Variants in NKAIN3 observed in about 807,000 individuals in gnomAD.
NKAIN3 encodes sodium/potassium-transporting ATPase subunit beta-1-interacting protein 3.
NKAIN3 carries 25 observed loss-of-function variants against 30.2 expected under a neutral mutation model. The observed-to-expected ratio is 0.83, with a 90% CI of 0.60 to 1.16. The LOEUF (loss-of-function observed/expected upper bound fraction) is 1.16. Ranked by LOEUF, NKAIN3 falls within the 50% of genes most tolerant of loss-of-function variation. The pLI is 0.00. For synonymous variants in NKAIN3, 91 were observed against 89.6 expected (o/e 1.02, Z -0.09); for missense variants, 225 against 254.1 (o/e 0.89, Z 0.78).
intron 1 of NKAIN3, among the ~76,000 whole-genome samples, chr8:62,296,398 G>A (rs1240687242): frequency 6.6e-6 from 1 of 152,148 alleles, no homozygotes; most frequent in African/African-American, 2.4e-5. Flanking sequence ...CCACTAATTT[G>A]TGTGGGAGTT....
chr8:62,780,513 T>G (rs1817324774), intron 4 of NKAIN3, among the ~76,000 whole-genome samples: 1 of 152,108 alleles, frequency 6.6e-6, no homozygotes, highest in Non-Finnish European at 1.5e-5. Flanking sequence ...ATATCACTGA[T>G]GAACATAGAT....
chr8:62,672,279 G>A (rs1171768807), intron 3 of NKAIN3, among the ~76,000 whole-genome samples: 6 of 152,114 alleles, frequency 3.9e-5, no homozygotes, highest in Non-Finnish European at 7.4e-5. Flanking sequence ...GTCATATAAT[G>A]GCCAGGGAAA....
intron 4 of NKAIN3, among the ~76,000 whole-genome samples, chr8:62,819,304 A>G (rs1355095974): frequency 6.6e-6 from 1 of 151,838 alleles, no homozygotes; most frequent in Non-Finnish European, 1.5e-5. Context: ...AGAAAACAAC[A>G]TTGTGGAAGA....
chr8:62,949,783 A>G (rs1823232994), intron 5 of NKAIN3, among the ~76,000 whole-genome samples: 1 of 151,884 alleles, frequency 6.6e-6, no homozygotes, highest in Non-Finnish European at 1.5e-5. Context: ...AGTACATGGA[A>G]CTCAATTTCA....
rs570521065 is a variant in NKAIN3, at chr8:62,805,382, C to T, written c.471+58253C>T. Among the ~76,000 whole-genome samples the T allele has an allele frequency of 1.3e-3, 194 of 151,872 alleles. 1 individual carries two copies. In the South Asian group the frequency reaches 0.015, roughly 12 times the overall value. ...CAAAAGAACAAAGCTGGAGGCATCA[C>T]ACTACCTGACTTCAAACTATACTAC... On this transcript the variant is annotated intron_variant, in intron 4 of 6. Coordinates refer to ENST00000623646, the MANE Select transcript of NKAIN3 (RefSeq NM_001304533.3).
intron 5 of NKAIN3, among the ~76,000 whole-genome samples, chr8:62,940,597 A>T (rs1408186802): frequency 2.0e-5 from 3 of 152,124 alleles, no homozygotes; most frequent in African/African-American, 7.2e-5. Flanking sequence ...ATAAAACTGG[A>T]TATCAATTGC....
In NKAIN3 at chr8:62,941,769, C is replaced by T. The variant is rs1479376286; in HGVS notation, c.533-12133C>T. Reference sequence around the variant, plus strand: ...GCATAGAAGAGACATACCTTAAGGTCATAAAAGCCATCTATGACAAACCCA... The same window carrying T: ...GCATAGAAGAGACATACCTTAAGGTTATAAAAGCCATCTATGACAAACCCA... On this transcript the variant is annotated intron_variant, in intron 5 of 6. Transcript: ENST00000623646. 2.0e-5 allele frequency among the ~76,000 whole-genome samples: 3 copies of T among 151,998 alleles called. No homozygotes were observed. The East Asian group carries it at 5.8e-4, about 29-fold the overall frequency.
Position 62,682,485 on chromosome 8 carries a change from G to T in NKAIN3, c.274-64447G>T, listed in dbSNP as rs951008929. On this transcript the variant is annotated intron_variant, in intron 3 of 6. Transcript: ENST00000623646. ...TTGCACAGTTTCTTGGACAGAACGTGGGGGAGGGGTTGAATACAAAGTGCA... is the reference window on the plus strand; with the variant it reads ...TTGCACAGTTTCTTGGACAGAACGTTGGGGAGGGGTTGAATACAAAGTGCA... Among the ~76,000 whole-genome samples the T allele has an allele frequency of 2.6e-5, 4 of 152,144 alleles. No individual in the cohort carries two copies. The South Asian group carries it at 8.3e-4, about 32-fold the overall frequency.
intron 4 of NKAIN3, among the ~76,000 whole-genome samples, chr8:62,873,697 A>T (rs537745900): frequency 4.6e-5 from 7 of 152,030 alleles, no homozygotes; most frequent in African/African-American, 1.7e-4. Flanking sequence ...AAACCACACA[A>T]TTACATGGAA....
intron 1 of NKAIN3, among the ~76,000 whole-genome samples, chr8:62,275,282 G>GC (rs778019490): frequency 9.9e-5 from 15 of 152,012 alleles, no homozygotes; most frequent in Admixed American, 2.6e-4. Context: ...TTTAATGATT[G>GC]CATTCTAACT....
chr8:62,823,616 T>C (rs1024796077), intron 4 of NKAIN3, among the ~76,000 whole-genome samples: 14 of 152,216 alleles, frequency 9.2e-5, no homozygotes, highest in African/African-American at 3.4e-4. Flanking sequence ...AAGCCCTTCG[T>C]AACCTGGCAC....
At chr8:62,715,422 C>T (rs937765531) in intron 3 of NKAIN3, among the ~76,000 whole-genome samples, 35 of 152,306 alleles carry the variant, frequency 2.3e-4, no homozygotes, top group African/African-American at 8.4e-4. Context: ...GCTATTTAAA[C>T]TTATTGACCC....
At chr8:62,956,097 T>C (rs1239916541) in intron 6 of NKAIN3, among the ~76,000 whole-genome samples, 1 of 152,200 alleles carries the variant, frequency 6.6e-6, no homozygotes, top group Non-Finnish European at 1.5e-5. Context: ...TCTGTACTCT[T>C]CACCAGTATG....
At chr8:62,474,897 A>T (rs1467574220) in intron 1 of NKAIN3, among the ~76,000 whole-genome samples, 1 of 152,210 alleles carries the variant, frequency 6.6e-6, no homozygotes, top group Non-Finnish European at 1.5e-5. Context: ...AATTTTTAAA[A>T]AGTCAATTAA....
intron 3 of NKAIN3, among the ~76,000 whole-genome samples, chr8:62,704,843 C>T (rs1464864176): frequency 6.6e-6 from 1 of 152,150 alleles, no homozygotes; most frequent in Non-Finnish European, 1.5e-5. Flanking sequence ...GGCGCTAGAG[C>T]ATAACTTGCA....
intron 1 of NKAIN3, among the ~76,000 whole-genome samples, chr8:62,533,056 G>T (rs565465867): frequency 3.9e-4 from 60 of 152,286 alleles, no homozygotes; most frequent in African/African-American, 1.4e-3. Context: ...TTCTAGTGGT[G>T]TGGGGGAGAC....
At chr8:62,583,189 T>A (rs1810359519) in intron 2 of NKAIN3, among the ~76,000 whole-genome samples, 1 of 152,160 alleles carries the variant, frequency 6.6e-6, no homozygotes, top group Admixed American at 6.5e-5. Context: ...TTTTCCTATC[T>A]AGTGTCCTAC....
chr8:62,311,794 A>G lies in NKAIN3; in HGVS notation c.54+62667A>G, dbSNP rs565649313. On this transcript the variant is annotated intron_variant, in intron 1 of 6. Coordinates refer to ENST00000623646, the MANE Select transcript of NKAIN3 (RefSeq NM_001304533.3). ...CAGATCCTCAGTTTCCATAAAATCC[A>G]TCTGCCTGAAATAGTTGAAGTGAGC... 2.0e-5 allele frequency among the ~76,000 whole-genome samples: 3 copies of G among 150,476 alleles called. No homozygotes were observed. In the East Asian group the frequency reaches 5.8e-4, roughly 29 times the overall value.
At chr8:62,836,967 A>G (rs1026032322) in intron 4 of NKAIN3, among the ~76,000 whole-genome samples, 4 of 152,108 alleles carry the variant, frequency 2.6e-5, no homozygotes, top group South Asian at 2.1e-4. Context: ...AGGTCCATTT[A>G]TTATTAAAGG....
Sources: allele counts gnomAD v4.1 joint callset (sites outside exome capture counted in the v4.1 genomes callset), GRCh38; gene constraint gnomAD v4.1.1; transcripts MANE v1.5; gene names NCBI Gene and HGNC (gene_info 2026-07-23, HGNC 2026-07-21).